The following BPIFB2 variants were observed in gnomAD, a reference collection of about 807,000 sequenced individuals.
BPIFB2 encodes BPI fold containing family B member 2.
BPIFB2 carries 39 observed loss-of-function variants against 50.1 expected under a neutral mutation model. The ratio of observed to expected loss-of-function variants is 0.78; its 90% confidence interval spans 0.60 to 1.02. The LOEUF (loss-of-function observed/expected upper bound fraction) is 1.02, where lower values mean the gene tolerates loss of function less well. Among genes scored for constraint, BPIFB2 ranks in the 50% least tolerant of loss-of-function variants. BPIFB2 has a pLI of 0.00. For missense variants in BPIFB2, 574 were observed against 585.8 expected (o/e 0.98, Z 0.21); for synonymous variants, 280 against 256.3 (o/e 1.09, Z -0.88).
chr20:33,021,260 T>C (rs759211448), intron 13 of BPIFB2, 21 bp from the exon 14 acceptor site: 117 of 1,613,492 alleles, frequency 7.3e-5, no homozygotes, highest in Non-Finnish European at 9.2e-5. Flanking sequence ...CGGGCCCATC[T>C]CCCTGGCTCC....
chr20:33,016,945 A>G, intron 6 of BPIFB2, 97 bp from the exon 7 acceptor site: 2 of 1,093,518 alleles, frequency 1.8e-6, no homozygotes. Context: ...TGGGTTGGGG[A>G]GGCTTCTAGA....
chr20:33,020,422 G>A (rs1252099655), intron 12 of BPIFB2, 27 bp downstream of exon 12: 3 of 1,612,186 alleles, frequency 1.9e-6, no homozygotes, highest in Admixed American at 1.7e-5. Context: ...GGACCCAGCA[G>A]CCTCAGTGTG....
At chr20:33,022,389 G>C (rs534132604) in intron 15 of BPIFB2, among the ~76,000 whole-genome samples, 77 of 152,340 alleles carry the variant, frequency 5.1e-4, no homozygotes, top group Middle Eastern at 3.4e-3. Flanking sequence ...TGTAATTCCA[G>C]GGAGGATGCC....
intron 11 of BPIFB2, 150 bp downstream of exon 11, chr20:33,019,900 T>C: frequency 9.1e-7 from 1 of 1,103,848 alleles, no homozygotes; most frequent in East Asian, 2.7e-5. Flanking sequence ...GACCTTTGCA[T>C]GTGCTGAGCC....
chr20:33,010,840 C>T (rs115077619), intron 2 of BPIFB2, among the ~76,000 whole-genome samples, 184 bp from the exon 3 acceptor site: 1 of 152,136 alleles, frequency 6.6e-6, no homozygotes, highest in East Asian at 1.9e-4. Context: ...GAGCCTGATG[C>T]GAGTGGTGCA....
In BPIFB2 at chr20:33,009,831, ACGCATTGCT is replaced by A. The variant is rs1229539632; in HGVS notation, c.109+1150_109+1158del. 6.6e-6 allele frequency among the ~76,000 whole-genome samples: 1 copy of A among 152,234 alleles called. No individual in the cohort carries two copies. Among genetic ancestry groups the A allele is most frequent in the Non-Finnish European group, 1.5e-5 (1 of 68,040 alleles). ...AAATCTGGCTGGAGGCCCACGCTGG[ACGCATTGCT>A]CCCCAGGCTGGGCTGAGTGGCTACT... On this transcript the variant is annotated intron_variant, in intron 2 of 15. Transcript: ENST00000170150. This position sits in a 1 kb window ranked among gnomAD's most constrained non-coding sequence, Gnocchi z 4.2.
At chr20:33,019,248 C>CCCAAGATGGAGGAGT in intron 10 of BPIFB2, 133 bp downstream of exon 10, 1 of 1,116,082 alleles carries the variant, frequency 9.0e-7, no homozygotes, top group Non-Finnish European at 1.3e-6. Context: ...CCTACTCCTC[C>CCCAAGATGGAGGAGT]ATCTTGGGGA....
At chr20:33,017,835 T>A (rs1479017442) in intron 7 of BPIFB2, among the ~76,000 whole-genome samples, 1 of 152,166 alleles carries the variant, frequency 6.6e-6, no homozygotes, top group Admixed American at 6.5e-5. Flanking sequence ...CCCTACAGGA[T>A]TGTAACGAGG....
At chr20:33,008,792 T>C in intron 2 of BPIFB2, 109 bp downstream of exon 2, 2 of 911,564 alleles carry the variant, frequency 2.2e-6, no homozygotes, top group Non-Finnish European at 3.2e-6. Flanking sequence ...ACCCAGATTT[T>C]AATTGGAAGT....
In BPIFB2 at chr20:33,020,672, T is replaced by A. The variant is rs1302837456; in HGVS notation, c.1194+85T>A. On this transcript the variant is annotated intron_variant, in intron 13 of 15. Coordinates refer to ENST00000170150, the MANE Select transcript of BPIFB2 (RefSeq NM_025227.3). ...TGGGGAAGAGATGGCTGTGTACATG[T>A]GCTGACCCGTGTGCCTGTGTGTGCC... 8.4e-6 allele frequency: 12 copies of A among 1,433,950 alleles called. No individual in the cohort carries two copies. The African/African-American group carries it at 1.6e-4, about 19-fold the overall frequency. 88.8% of individuals were successfully genotyped at this position (1,433,950 alleles called of 1,614,324 possible).
In BPIFB2 at chr20:33,019,716, A is replaced by T. The variant is rs527598595; in HGVS notation, c.1046A>T (p.Asn349Ile). Residue 349 changes from asparagine (N) to isoleucine (I), a missense_variant, in exon 11 of 16, where the codon AAC (asparagine) becomes ATC (isoleucine). Physicochemically the swap from Asn to Ile is moderately radical, Grantham distance 149. Coordinates refer to ENST00000170150, the MANE Select transcript of BPIFB2 (RefSeq NM_025227.3). ...PFVEVLATAS[N>I]SAFQSLFSLD... ...GTGGAGGTCCTGGCCACAGCCTCCAACTCGGCTTTCCAGTCCCTCTTCTCC... is the reference window on the plus strand; with the variant it reads ...GTGGAGGTCCTGGCCACAGCCTCCATCTCGGCTTTCCAGTCCCTCTTCTCC... 1 of 1,609,752 alleles carries T rather than the reference A, an allele frequency of 6.2e-7. No individual in the cohort carries two copies. The highest frequency in any genetic ancestry group is 1.1e-5 in the South Asian group (1 of 90,098).
rs778850557 is a variant in BPIFB2, at chr20:33,019,612, G to C, written c.942G>C (p.Val314=). 2 of 1,606,886 alleles carry C rather than the reference G, an allele frequency of 1.2e-6. No homozygotes were observed. Among genetic ancestry groups the C allele is most frequent in the African/African-American group, 1.3e-5 (1 of 74,894 alleles). Residue 314 remains valine, a synonymous_variant, in exon 11 of 16, where the codon GTG becomes GTC. Transcript: ENST00000170150. The part of the protein sequence containing the change: ...VARQFPEPMP[V]VLKVRLGATP... Reference sequence around the variant, plus strand: ...GCCAGTTTCCCGAGCCCATGCCTGTGGTGCTCAAGGTGCGGCTGGGTGCCA... The same window carrying C: ...GCCAGTTTCCCGAGCCCATGCCTGTCGTGCTCAAGGTGCGGCTGGGTGCCA...
chr20:33,020,944 T>C (rs987627843), intron 13 of BPIFB2, among the ~76,000 whole-genome samples: 8 of 152,320 alleles, frequency 5.3e-5, no homozygotes, highest in African/African-American at 1.9e-4. Context: ...TCAGTCTGTC[T>C]GTCTGTCGGT....
At chr20:33,014,050 G>A in intron 5 of BPIFB2, 94 bp downstream of exon 5, 1 of 1,463,084 alleles carries the variant, frequency 6.8e-7, no homozygotes, top group Non-Finnish European at 9.2e-7. Flanking sequence ...TTAACCAATG[G>A]CCACAAGGGC....
rs1323887634 is a variant in BPIFB2 at position 33,015,461 on chromosome 20, G to C, written c.481G>C (p.Val161Leu). 6.2e-7 allele frequency: 1 copy of C among 1,613,772 alleles called. No homozygotes were observed. The highest frequency in any genetic ancestry group is 8.5e-7 in the Non-Finnish European group (1 of 1,179,908). The stretch of plus-strand genomic sequence containing the variant: ...CACCTCCCACGCGCTGCTGGTCCTG[G>C]TGCAGAAGCACATTAAAGCTGTCTT... ...NSTSHALLVL[V>L]QKHIKAVLSN... Residue 161 changes from valine (V) to leucine (L), a missense_variant, in exon 6 of 16, where the codon GTG becomes CTG. Physicochemically the swap from Val to Leu is conservative, Grantham distance 32. Transcript: ENST00000170150.
chr20:33,023,448 G>T lies in BPIFB2; in HGVS notation c.*65G>T, dbSNP rs1978757197. 3 of 1,566,316 alleles carry T rather than the reference G, an allele frequency of 1.9e-6. No individual in the cohort carries two copies. The highest frequency in any genetic ancestry group is 2.2e-5 in the South Asian group (2 of 89,966). On this transcript the variant is annotated 3_prime_UTR_variant, in exon 16 of 16. Coordinates refer to ENST00000170150, the MANE Select transcript of BPIFB2 (RefSeq NM_025227.3). ...TGCTCAGGCGAATTTCTCATTTCAA[G>T]CCACTGGGGAAACTGAGGCAAAACC...
In BPIFB2 at chr20:33,016,212, C is replaced by G. The variant is rs541283317; in HGVS notation, c.516+716C>G. The stretch of plus-strand genomic sequence containing the variant: ...CCTCCTGCATGCCACCCCACACCCC[C>G]CAGAGGGCGACTGCAACATGCCCAC... On this transcript the variant is annotated intron_variant, in intron 6 of 15. Coordinates refer to ENST00000170150, the MANE Select transcript of BPIFB2 (RefSeq NM_025227.3). Among the ~76,000 whole-genome samples, 192 of 152,220 alleles carry G rather than the reference C, an allele frequency of 1.3e-3. 1 individual carries two copies. Among genetic ancestry groups the G allele is most frequent in the Middle Eastern group, 6.8e-3 (2 of 294 alleles).
At chr20:33,021,697 G>T in intron 14 of BPIFB2, 26 bp from the exon 15 acceptor site, 4 of 1,611,042 alleles carry the variant, frequency 2.5e-6, no homozygotes, top group Non-Finnish European at 3.4e-6. Flanking sequence ...TCCAGGGGAC[G>T]ATCCTTTCTT....
intron 4 of BPIFB2, 120 bp downstream of exon 4, chr20:33,013,027 TC>T: frequency 1.3e-6 from 1 of 747,904 alleles, no homozygotes; most frequent in Non-Finnish European, 2.2e-6. Flanking sequence ...TGACTCTCTG[TC>T]CAGTTGCTCT....
Sources: allele counts gnomAD v4.1 joint callset (sites outside exome capture counted in the v4.1 genomes callset), GRCh38; gene constraint gnomAD v4.1.1; non-coding constraint Gnocchi (gnomAD v3.1); transcripts MANE v1.5; gene names NCBI Gene and HGNC (gene_info 2026-07-23, HGNC 2026-07-21).